FARP1: variants seen among roughly 807,000 people sequenced by gnomAD.
FARP1 encodes FERM, ARH/RhoGEF and pleckstrin domain protein 1.
In FARP1, 52 loss-of-function variants were observed where a neutral mutation model predicts 128.8. That is an observed-to-expected ratio of 0.40 (90% CI 0.32 to 0.51). The LOEUF is 0.51. Among genes scored for constraint, FARP1 ranks in the 20% least tolerant of loss-of-function variants. The probability of loss-of-function intolerance (pLI) is 0.45; values close to 1 mark genes in which losing one functional copy is unlikely to be tolerated. For synonymous variants in FARP1, 580 were observed against 551.8 expected, an observed-to-expected ratio of 1.05 and a Z score of -0.72; for missense variants, 1,333 against 1,367.9, an observed-to-expected ratio of 0.97 and a Z score of 0.40.
At chr13:98,361,550 G>A (rs549851909) in intron 3 of FARP1, among the ~76,000 whole-genome samples, 1 of 152,322 alleles carries the variant, frequency 6.6e-6, no homozygotes, top group Admixed American at 6.5e-5. Context: ...GAGTTTAGTG[G>A]CTGGGACAGC....
chr13:98,144,516 G>A (rs1875366388), intron 1 of FARP1, among the ~76,000 whole-genome samples: 1 of 152,134 alleles, frequency 6.6e-6, no homozygotes, highest in South Asian at 2.1e-4. Flanking sequence ...TCTTCTCCTT[G>A]TCAGTTTACC....
chr13:98,443,025 C>T (rs558569517), intron 24 of FARP1, among the ~76,000 whole-genome samples: 12 of 152,342 alleles, frequency 7.9e-5, no homozygotes, highest in South Asian at 2.1e-4. Flanking sequence ...CAAATCTACA[C>T]GGTCGCAGCC....
chr13:98,209,693 A>G (rs1171652803), intron 1 of FARP1, among the ~76,000 whole-genome samples: 2 of 144,714 alleles, frequency 1.4e-5, no homozygotes, highest in Non-Finnish European at 3.0e-5. Flanking sequence ...GCTACTCGGG[A>G]TGCTGAGGCA....
rs541220761 is a variant in FARP1, at chr13:98,386,324, TGCAA to T, written c.759+511_759+514del. ...TATAAATTCATAAAAGCCACATTCT[TGCAA>T]TTTTGTAGCAAAACACATACTGCAC... is the stretch of plus-strand genomic sequence containing the variant. On this transcript the variant is annotated intron_variant, in intron 8 of 26. Coordinates refer to ENST00000319562, the MANE Select transcript of FARP1 (RefSeq NM_005766.4). Among the ~76,000 whole-genome samples the T allele has an allele frequency of 5.9e-5, 9 of 152,262 alleles. No homozygotes were observed. In the South Asian group the frequency reaches 1.9e-3, roughly 32 times the overall value.
Position 98,440,696 on chromosome 13 carries a change from G to A in FARP1, c.2656G>A (p.Asp886Asn), listed in dbSNP as rs1303682854. Residue 886 changes from aspartate to asparagine, a missense_variant, in exon 24 of 27, where the codon GAC (aspartate) becomes AAC (asparagine). Transcript: ENST00000319562. Reference protein sequence around the residue: ...NKSPDEATAADQESEDDLSAS... With the variant: ...NKSPDEATAANQESEDDLSAS... Reference sequence around the variant, plus strand: ...GTCCCCTGATGAAGCCACCGCGGCTGACCAGGAGTCAGAGGATGACCTGAG... The same window carrying A: ...GTCCCCTGATGAAGCCACCGCGGCTAACCAGGAGTCAGAGGATGACCTGAG... The A allele has an allele frequency of 2.5e-6, 4 of 1,613,188 alleles. No individual in the cohort carries two copies. In the African/African-American group the frequency reaches 4.0e-5, roughly 16 times the overall value.
chr13:98,309,135 A>C (rs1474740408), intron 2 of FARP1, among the ~76,000 whole-genome samples: 1 of 144,696 alleles, frequency 6.9e-6, no homozygotes, highest in Non-Finnish European at 1.5e-5. Flanking sequence ...AAATATATTA[A>C]TATTAATTTT....
chr13:98,369,304 T>A (rs1336706479), intron 5 of FARP1, among the ~76,000 whole-genome samples: 1 of 151,506 alleles, frequency 6.6e-6, no homozygotes, highest in African/African-American at 2.4e-5. Context: ...ATAAAATGAT[T>A]CCCTTTGAAG....
intron 2 of FARP1, among the ~76,000 whole-genome samples, chr13:98,303,477 AG>A (rs1886004711): frequency 6.6e-6 from 1 of 152,218 alleles, no homozygotes; most frequent in African/African-American, 2.4e-5. Flanking sequence ...ACCTACAAAA[AG>A]ATTTATATGA....
chr13:98,437,661 G>C (rs1892331509), intron 19 of FARP1: 1 of 652,790 alleles, frequency 1.5e-6, no homozygotes, highest in Non-Finnish European at 2.7e-6. Context: ...GGCGCAGGAA[G>C]ATGGTGAGTT....
chr13:98,387,023 G>A (rs1460937264), intron 8 of FARP1, among the ~76,000 whole-genome samples: 1 of 152,114 alleles, frequency 6.6e-6, no homozygotes, highest in Non-Finnish European at 1.5e-5. Context: ...ACAATAGGCC[G>A]GGCGCGGTCG....
At chr13:98,211,514 A>G (rs1214377446) in intron 1 of FARP1, among the ~76,000 whole-genome samples, 1 of 152,240 alleles carries the variant, frequency 6.6e-6, no homozygotes, top group Non-Finnish European at 1.5e-5. Context: ...CCGCTGCTCT[A>G]GCACCTGACT....
At position 98,277,784 on chromosome 13, in the gene FARP1, C is replaced by T. The variant is rs1405966640; in HGVS notation, c.171+64371C>T. 6.6e-5 allele frequency among the ~76,000 whole-genome samples: 10 copies of T among 152,220 alleles called. No individual in the cohort carries two copies. The East Asian group carries it at 1.9e-3, about 29-fold the overall frequency. ...TGAGAGCACTGGTTCTTCATGCCAGCTGCCTATTAGAATCATCTAGAAATC... is the reference window on the plus strand; with the variant it reads ...TGAGAGCACTGGTTCTTCATGCCAGTTGCCTATTAGAATCATCTAGAAATC... On this transcript the variant is annotated intron_variant, in intron 2 of 26. Coordinates refer to ENST00000319562, the MANE Select transcript of FARP1 (RefSeq NM_005766.4).
chr13:98,243,466 G>C (rs1360220697), intron 2 of FARP1, among the ~76,000 whole-genome samples: 2 of 151,938 alleles, frequency 1.3e-5, no homozygotes, highest in Non-Finnish European at 2.9e-5. Flanking sequence ...AAGGCTGAGG[G>C]GGGTGGATCA....
In FARP1 at chr13:98,378,950, A is replaced by C. The variant is rs1185917718; in HGVS notation, c.496+1032A>C. ...ATACAATATATAATCTATATATAATATATATATAATATATACAATATATAA... is the reference window on the plus strand; with the variant it reads ...ATACAATATATAATCTATATATAATCTATATATAATATATACAATATATAA... On this transcript the variant is annotated intron_variant, in intron 6 of 26. Coordinates refer to ENST00000319562, the MANE Select transcript of FARP1 (RefSeq NM_005766.4). Among the ~76,000 whole-genome samples the C allele has an allele frequency of 9.0e-4, 97 of 107,284 alleles. 7 individuals carry two copies. Among genetic ancestry groups the C allele is most frequent in the Non-Finnish European group, 1.3e-3 (76 of 56,526 alleles). The allele number at this position is 107,284 out of a possible 152,430, so 70.4% of individuals were successfully genotyped here.
At chr13:98,168,529 C>T (rs1457367505) in intron 1 of FARP1, among the ~76,000 whole-genome samples, 4 of 152,240 alleles carry the variant, frequency 2.6e-5, no homozygotes, top group African/African-American at 9.6e-5. Context: ...GCCTGGTCAG[C>T]GTCCTGGGGT....
intron 2 of FARP1, among the ~76,000 whole-genome samples, chr13:98,280,158 T>C (rs1442338497): frequency 6.6e-6 from 1 of 152,174 alleles, no homozygotes; most frequent in Non-Finnish European, 1.5e-5. Flanking sequence ...AATCCTTCTT[T>C]AACACACAAA....
At chr13:98,446,875 A>C in intron 26 of FARP1, 58 bp downstream of exon 26, 83 of 1,541,996 alleles carry the variant, frequency 5.4e-5, no homozygotes, top group Middle Eastern at 1.7e-4. Context: ...TCTTCCAAAC[A>C]TCAGGATTTC....
chr13:98,391,383 A>G (rs969029443), intron 11 of FARP1, among the ~76,000 whole-genome samples: 3 of 152,072 alleles, frequency 2.0e-5, no homozygotes, highest in Non-Finnish European at 4.4e-5. Context: ...GACTCGATCA[A>G]TCCTCCCACC....
At chr13:98,295,852 G>GAGT (rs1293913202) in intron 2 of FARP1, among the ~76,000 whole-genome samples, 1 of 152,192 alleles carries the variant, frequency 6.6e-6, no homozygotes, top group African/African-American at 2.4e-5. Flanking sequence ...GGTATTCTGA[G>GAGT]AGTCCTTTCT....
Sources: gnomAD v4.1 joint callset for allele counts (sites outside exome capture counted in the v4.1 genomes callset) on GRCh38, gnomAD v4.1.1 for gene constraint, MANE v1.5 for transcripts, NCBI Gene and HGNC (gene_info 2026-07-23, HGNC 2026-07-21) for gene names.